The following DSCAM variants were observed in gnomAD, a reference collection of about 807,000 sequenced individuals.
DSCAM encodes DS cell adhesion molecule, also known as cell adhesion molecule DSCAM.
Under a neutral mutation model 217.7 loss-of-function variants are expected in DSCAM, and 47 were observed. That is an observed-to-expected ratio of 0.22 (90% CI 0.17 to 0.28). The LOEUF (loss-of-function observed/expected upper bound fraction) is 0.28, where lower values mean the gene tolerates loss of function less well. Ranked by LOEUF, DSCAM falls within the 10% of genes least tolerant of loss-of-function variation. DSCAM has a pLI of 1.00. For synonymous variants in DSCAM, 1,056 were observed against 1,015.3 expected (o/e 1.04, Z -0.76); for missense variants, 2,080 against 2,618.3 (o/e 0.79, Z 4.49).
At chr21:40,424,432 C>T (rs1369050947) in intron 3 of DSCAM, among the ~76,000 whole-genome samples, 1 of 152,188 alleles carries the variant, frequency 6.6e-6, no homozygotes, top group Non-Finnish European at 1.5e-5. Context: ...AGCCGTGTGA[C>T]TGGCGTGATG....
intron 3 of DSCAM, among the ~76,000 whole-genome samples, chr21:40,498,694 TATA>T (rs2076142666): frequency 1.0e-3 from 6 of 5,790 alleles, no homozygotes; most frequent in Non-Finnish European, 1.6e-3. Context: ...TATATATATA[TATA>T]GATATATATA....
intron 20 of DSCAM, among the ~76,000 whole-genome samples, chr21:40,101,399 C>T (rs569688281): frequency 6.6e-6 from 1 of 152,302 alleles, no homozygotes; most frequent in African/African-American, 2.4e-5. Flanking sequence ...ACAGGGCTCT[C>T]TCTGGCTCAG....
At chr21:40,756,083 TGG>T (rs2091273089) in intron 1 of DSCAM, among the ~76,000 whole-genome samples, 1 of 152,204 alleles carries the variant, frequency 6.6e-6, no homozygotes, top group South Asian at 2.1e-4. Flanking sequence ...ATGTTGAAGG[TGG>T]GGTCTGGTGG....
chr21:40,085,432 ATTTG>A (rs1168927874), intron 23 of DSCAM, among the ~76,000 whole-genome samples, 166 bp downstream of exon 23: 11 of 152,160 alleles, frequency 7.2e-5, no homozygotes, highest in Admixed American at 7.2e-4. Flanking sequence ...ATTTTCTTTG[ATTTG>A]TTTAATTATA....
At chr21:40,139,405 G>A (rs2090261571) in intron 18 of DSCAM, among the ~76,000 whole-genome samples, 1 of 151,994 alleles carries the variant, frequency 6.6e-6, no homozygotes, top group African/African-American at 2.4e-5. Context: ...CTGAAGCAAA[G>A]GCAAGAAGAC....
intron 16 of DSCAM, among the ~76,000 whole-genome samples, chr21:40,163,611 C>G (rs964001516): frequency 6.6e-5 from 10 of 152,210 alleles, no homozygotes; most frequent in Admixed American, 3.9e-4. Flanking sequence ...AGATATTCCT[C>G]TTGAATATCT....
At chr21:40,518,510 A>T (rs1380388992) in intron 3 of DSCAM, among the ~76,000 whole-genome samples, 3 of 13,058 alleles carry the variant, frequency 2.3e-4, no homozygotes, top group Non-Finnish European at 3.3e-4. Flanking sequence ...TATATATATA[A>T]TATATATAAT....
chr21:40,373,415 T>C (rs2074919170), intron 3 of DSCAM, among the ~76,000 whole-genome samples: 1 of 152,110 alleles, frequency 6.6e-6, no homozygotes, highest in Non-Finnish European at 1.5e-5. Flanking sequence ...AGGGAGCTTA[T>C]AATCTAAACA....
Position 40,055,791 on chromosome 21 carries a change from G to A in DSCAM, c.4969C>T (p.Arg1657Ter). 1 of 1,613,746 alleles carries A rather than the reference G, an allele frequency of 6.2e-7. No individual in the cohort carries two copies. Among genetic ancestry groups the A allele is most frequent in the Non-Finnish European group, 8.5e-7 (1 of 1,179,732 alleles). The change falls in exon 29 of 33, where the codon CGA becomes TGA. Residue 1657 changes from arginine to a stop codon, truncating the protein, a stop_gained. Coordinates refer to ENST00000400454, the MANE Select transcript of DSCAM (RefSeq NM_001389.5). LOFTEE classifies it high-confidence loss of function. ...DTLSKQQQTL[R>*]MHIDIPRAQL... ...GCCCTGGGTATGTCGATGTGCATTC[G>A]CAGGGTCTGCTGTTGCTTGCTTAAC...
At chr21:40,380,885 A>T in intron 3 of DSCAM, among the ~76,000 whole-genome samples, 1 of 151,714 alleles carries the variant, frequency 6.6e-6, no homozygotes, top group Non-Finnish European at 1.5e-5. Context: ...AACACGGTGA[A>T]ACCCCGTCTC....
intron 1 of DSCAM, among the ~76,000 whole-genome samples, chr21:40,786,107 G>C (rs141086383): frequency 1.3e-5 from 2 of 152,060 alleles, no homozygotes; most frequent in African/African-American, 4.8e-5. Flanking sequence ...ATGGTGGTGG[G>C]CACCTGTAAT....
At chr21:40,061,582 A>G (rs1283846797) in intron 28 of DSCAM, among the ~76,000 whole-genome samples, 1 of 111,522 alleles carries the variant, frequency 9.0e-6, no homozygotes, top group Non-Finnish European at 2.0e-5. Flanking sequence ...AAAAAAAAAA[A>G]AAAGAAAAAG....
At chr21:40,791,393 G>A (rs899290193) in intron 1 of DSCAM, among the ~76,000 whole-genome samples, 14 of 152,134 alleles carry the variant, frequency 9.2e-5, no homozygotes, top group Admixed American at 2.6e-4. Context: ...AGTGGTTCAC[G>A]CCTGTAATCC....
At chr21:40,118,680 T>C (rs1335424399) in intron 20 of DSCAM, among the ~76,000 whole-genome samples, 3 of 152,344 alleles carry the variant, frequency 2.0e-5, no homozygotes, top group Non-Finnish European at 2.9e-5. Context: ...TACCCTTTCC[T>C]GCCTCTGATT....
At chr21:40,240,431 G>T (rs2073137389) in intron 11 of DSCAM, among the ~76,000 whole-genome samples, 1 of 130,620 alleles carries the variant, frequency 7.7e-6, no homozygotes, top group Non-Finnish European at 1.5e-5. Flanking sequence ...CAGATAGATA[G>T]ATATTCATTA....
At chr21:40,295,811 A>G (rs2073947888) in intron 10 of DSCAM, among the ~76,000 whole-genome samples, 5 of 152,216 alleles carry the variant, frequency 3.3e-5, no homozygotes, top group Admixed American at 2.0e-4. Context: ...AATCTACACA[A>G]AAGACTTCCA....
intron 8 of DSCAM, among the ~76,000 whole-genome samples, chr21:40,337,835 T>C (rs2074443965): frequency 6.6e-6 from 1 of 152,230 alleles, no homozygotes; most frequent in African/African-American, 2.4e-5. Context: ...TGTGCTCCTT[T>C]TTTTTCTGTT....
chr21:40,476,505 AT>A (rs2075937471), intron 3 of DSCAM, among the ~76,000 whole-genome samples: 1 of 152,232 alleles, frequency 6.6e-6, no homozygotes, highest in South Asian at 2.1e-4. Flanking sequence ...AATCACAAAC[AT>A]TTAATAAGAG....
At chr21:40,105,972 T>A (rs916174157) in intron 20 of DSCAM, among the ~76,000 whole-genome samples, 13 of 152,204 alleles carry the variant, frequency 8.5e-5, no homozygotes, top group Non-Finnish European at 1.5e-4. Flanking sequence ...TCATGGTGGA[T>A]AAGTGTATTA....
Sources: gnomAD v4.1 joint callset for allele counts (sites outside exome capture counted in the v4.1 genomes callset) on GRCh38, gnomAD v4.1.1 for gene constraint, MANE v1.5 for transcripts, NCBI Gene and HGNC (gene_info 2026-07-23, HGNC 2026-07-21) for gene names.